NUP54: variants seen among roughly 807,000 people sequenced by gnomAD.
NUP54 encodes nucleoporin 54, also known as nucleoporin p54.
A neutral mutation model predicts 66.4 loss-of-function variants in NUP54; 27 were observed. The ratio of observed to expected loss-of-function variants is 0.41; its 90% CI spans 0.30 to 0.56. NUP54 has a LOEUF of 0.56. Among genes scored for constraint, NUP54 ranks in the 20% least tolerant of loss-of-function variants. The pLI, the probability that NUP54 is intolerant of heterozygous loss-of-function variation, is 0.34. For missense variants in NUP54, 486 were observed against 596.3 expected, an observed-to-expected ratio of 0.82 and a Z score of 1.93; for synonymous variants, 206 against 210.7, an observed-to-expected ratio of 0.98 and a Z score of 0.19.
At chr4:76,126,810 A>T (rs770330291) in intron 8 of NUP54, among the ~76,000 whole-genome samples, 1 of 152,190 alleles carries the variant, frequency 6.6e-6, no homozygotes, top group African/African-American at 2.4e-5. Flanking sequence ...AATTCCCACA[A>T]ATTAGTCTTT....
chr4:76,134,393 A>T (rs1730942434), intron 4 of NUP54, 31 bp from the exon 5 acceptor site: 5 of 1,549,296 alleles, frequency 3.2e-6, no homozygotes, highest in Non-Finnish European at 4.4e-6. Context: ...CAATATAAAA[A>T]ATATGTACAG....
At chr4:76,139,235 GGT>G (rs1731160653) in intron 3 of NUP54, among the ~76,000 whole-genome samples, 2 of 152,106 alleles carry the variant, frequency 1.3e-5, no homozygotes, top group Non-Finnish European at 2.9e-5. Context: ...GAAACCATTA[GGT>G]TAAAGTAGTA....
In NUP54 at chr4:76,117,032, T is replaced by G. The variant is rs149919785; in HGVS notation, c.1395+632A>C. On this transcript the variant is annotated intron_variant, in intron 11 of 11. Transcript: ENST00000264883. ...AATAATCAACACTATCCACTTTGTT[T>G]AGAACTTTTCATCTTCTCAAGTTGA... Among the ~76,000 whole-genome samples the G allele has an allele frequency of 4.5e-3, 685 of 152,342 alleles. 5 individuals are homozygous for G. The highest frequency in any genetic ancestry group is 0.018 in the South Asian group (89 of 4,830).
chr4:76,140,363 G>A (rs34078946), intron 3 of NUP54, among the ~76,000 whole-genome samples: 2,279 of 145,368 alleles, frequency 0.016, 50 homozygotes, highest in African/African-American at 0.055. Flanking sequence ...TCAGCTCACT[G>A]CAACCTCTGC....
At chr4:76,116,884 T>C (rs1317591509) in intron 11 of NUP54, among the ~76,000 whole-genome samples, 1 of 152,230 alleles carries the variant, frequency 6.6e-6, no homozygotes, top group Non-Finnish European at 1.5e-5. Context: ...TTCATCTTTT[T>C]GGCGAGGAGA....
rs748014529 is a variant in NUP54, at chr4:76,144,338, A to T, written c.152-46T>A. ...CTTCGTAAGTTAAAAAAAAAAAAAA[A>T]TCTGACCTCTACTTCATTTACTTCT... On this transcript the variant is annotated intron_variant, in intron 2 of 11. Transcript: ENST00000264883. The T allele has an allele frequency of 9.5e-6, 15 of 1,573,780 alleles. No homozygotes were observed. In the South Asian group the frequency reaches 1.7e-4, roughly 18 times the overall value.
chr4:76,131,058 T>A (rs1471625550), intron 7 of NUP54, among the ~76,000 whole-genome samples, 172 bp downstream of exon 7: 1 of 152,156 alleles, frequency 6.6e-6, no homozygotes, highest in East Asian at 1.9e-4. Context: ...CTTATTTTTT[T>A]CTTTTTGTTT....
At chr4:76,117,586 A>G in intron 11 of NUP54, 78 bp downstream of exon 11, 1 of 849,084 alleles carries the variant, frequency 1.2e-6, no homozygotes, top group Admixed American at 2.2e-5. Flanking sequence ...CACTTTTCTT[A>G]TTAGGATAAT....
chr4:76,135,214 G>T (rs1446738248), intron 4 of NUP54, among the ~76,000 whole-genome samples: 1 of 151,952 alleles, frequency 6.6e-6, no homozygotes, highest in Non-Finnish European at 1.5e-5. Context: ...ATGAAACAGG[G>T]TTGTTGTTTT....
intron 1 of NUP54, chr4:76,147,725 T>A: frequency 9.4e-7 from 1 of 1,069,486 alleles, no homozygotes; most frequent in Admixed American, 3.0e-5. Flanking sequence ...ATTAGAAGAA[T>A]CAGCAGGAGG....
At chr4:76,121,842 A>C (rs963683644) in intron 9 of NUP54, among the ~76,000 whole-genome samples, 1 of 152,200 alleles carries the variant, frequency 6.6e-6, no homozygotes, top group Non-Finnish European at 1.5e-5. Flanking sequence ...TTTTATATCT[A>C]GCCAGCTTAC....
intron 9 of NUP54, among the ~76,000 whole-genome samples, chr4:76,120,130 A>G (rs1347655688): frequency 2.6e-5 from 4 of 152,140 alleles, no homozygotes; most frequent in Non-Finnish European, 5.9e-5. Flanking sequence ...ACATTTTTGT[A>G]GCTTTGACTC....
Position 76,148,341 on chromosome 4 carries a change from A to G in NUP54, c.34T>C (p.Ser12Pro). 6.5e-7 allele frequency: 1 copy of G among 1,546,430 alleles called. No individual in the cohort carries two copies. Among genetic ancestry groups the G allele is most frequent in the South Asian group, 1.2e-5 (1 of 81,420 alleles). ...AFNFGAPSGT[S>P]GTAAATAAPA... ...GCCGCGGTGGCTGCAGCGGTACCGG[A>G]GGTGCCCGAGGGAGCCCCAAAATTG... is the stretch of plus-strand genomic sequence containing the variant. The change falls in exon 1 of 12, where the codon TCC becomes CCC. Residue 12 changes from serine (S) to proline (P), a missense_variant. This residue lies in a region of NUP54 where 145 missense variants were observed against 137.1 expected (regional missense o/e 1.06). Transcript: ENST00000264883.
Position 76,117,548 on chromosome 4 carries a change from A to G in NUP54, c.1395+116T>C, listed in dbSNP as rs935300382. On this transcript the variant is annotated intron_variant, in intron 11 of 11. Transcript: ENST00000264883. Reference sequence around the variant, plus strand: ...TTACATTCCCCCAACAGTGCAAGAAAGTTCCAATTTCTCCACATTCTCACT... The same window carrying G: ...TTACATTCCCCCAACAGTGCAAGAAGGTTCCAATTTCTCCACATTCTCACT... 13 of 661,322 alleles carry G rather than the reference A, an allele frequency of 2.0e-5. No individual in the cohort carries two copies. In the African/African-American group the frequency reaches 2.0e-4, roughly 10 times the overall value. The allele number at this position is 661,322 out of a possible 1,614,324, so 41.0% of individuals were successfully genotyped here.
intron 6 of NUP54, 41 bp downstream of exon 6, chr4:76,132,476 TTCTAAA>T (rs1560685053): frequency 6.9e-7 from 1 of 1,459,122 alleles, no homozygotes; most frequent in African/African-American, 1.4e-5. Context: ...GAGTGTTTAG[TTCTAAA>T]TCTTTCTTTT....
chr4:76,122,817 T>C (rs925829760), intron 9 of NUP54, among the ~76,000 whole-genome samples: 1 of 152,186 alleles, frequency 6.6e-6, no homozygotes, highest in Non-Finnish European at 1.5e-5. Context: ...GTCCATCAAT[T>C]GAGTAAAATG....
chr4:76,145,555 C>T, intron 1 of NUP54: 1 of 1,272,666 alleles, frequency 7.9e-7, no homozygotes, highest in Non-Finnish European at 1.0e-6. Context: ...ATATACTTAC[C>T]TCCAAACAAC....
At chr4:76,144,751 C>CTTT (rs1395685939) in intron 1 of NUP54, among the ~76,000 whole-genome samples, 2 of 152,126 alleles carry the variant, frequency 1.3e-5, no homozygotes, top group African/African-American at 4.8e-5. Context: ...GCTGAGAAAA[C>CTTT]ACATTAAGCC....
In NUP54 at chr4:76,139,533, T is replaced by C. The variant is rs537216001; in HGVS notation, c.296-3121A>G. ...GGAAAAAACAGAATGGGGAATTCTC[T>C]ACACTAAAAAGAACTTAAGGGACAT... On this transcript the variant is annotated intron_variant, in intron 3 of 11. Transcript: ENST00000264883. 3.9e-5 allele frequency among the ~76,000 whole-genome samples: 6 copies of C among 152,316 alleles called. No individual in the cohort carries two copies. The South Asian group carries it at 1.2e-3, about 32-fold the overall frequency.
Sources: allele counts gnomAD v4.1 joint callset (sites outside exome capture counted in the v4.1 genomes callset), GRCh38; gene constraint gnomAD v4.1.1; regional missense constraint gnomAD v4.1.1; transcripts MANE v1.5; gene names NCBI Gene and HGNC (gene_info 2026-07-23, HGNC 2026-07-21).